GJB6: variants seen among roughly 807,000 people sequenced by gnomAD.
GJB6 encodes gap junction beta-6 protein.
GJB6 carries 5 observed loss-of-function variants against 5.4 expected under a neutral mutation model. The observed-to-expected ratio is 0.92, with a 90% CI of 0.48 to 1.93. The LOEUF is 1.93. GJB6 is among the 30% of genes most tolerant of loss of function. The pLI is 0.01. For synonymous variants in GJB6, 136 were observed against 129.6 expected, an observed-to-expected ratio of 1.05 and a Z score of -0.34; for missense variants, 298 against 326.9, an observed-to-expected ratio of 0.91 and a Z score of 0.68.
chr13:20,227,320 T>A (rs998152900), intron 4 of GJB6, among the ~76,000 whole-genome samples: 5 of 152,134 alleles, frequency 3.3e-5, no homozygotes, highest in African/African-American at 9.7e-5. Flanking sequence ...AATCCACCTA[T>A]GCCTTTAAAG....
intron 4 of GJB6, among the ~76,000 whole-genome samples, chr13:20,224,560 GCCTCCTTC>G (rs1161296622): frequency 6.6e-6 from 1 of 152,192 alleles, no homozygotes; most frequent in African/African-American, 2.4e-5. Flanking sequence ...GCCACCCAGT[GCCTCCTTC>G]CCTGTTAATG....
At position 20,223,142 on chromosome 13, in the gene GJB6, A is replaced by C; in HGVS notation, c.339T>G (p.Asn113Lys). Residue 113 changes from asparagine (N) to lysine (K), a missense_variant, in exon 5 of 5, where the codon AAT (asparagine) becomes AAG (lysine). By Grantham distance (94) the Asn-to-Lys change is moderately conservative (BLOSUM62 0). Transcript: ENST00000647029. ...TAATGTCCTCTATGTCTTTGAAATC[A>C]TTCCTCTTCTCTCCTCGCCTGAACT... ...TRKFRRGEKRNDFKDIEDIKK... is the reference protein window; with the variant it reads ...TRKFRRGEKRKDFKDIEDIKK... The C allele has an allele frequency of 6.2e-7, 1 of 1,613,996 alleles. No individual in the cohort carries two copies.
intron 4 of GJB6, among the ~76,000 whole-genome samples, chr13:20,228,456 C>T (rs12870260): frequency 0.28 from 42,175 of 149,648 alleles, 6,204 homozygotes; most frequent in Non-Finnish European, 0.33. Context: ...GCTGTTTTTT[C>T]TTGTTTGTTT....
At chr13:20,228,717 C>T (rs796988047) in intron 4 of GJB6, among the ~76,000 whole-genome samples, 8 of 151,430 alleles carry the variant, frequency 5.3e-5, no homozygotes, top group African/African-American at 1.5e-4. Context: ...ATCTCCTGAC[C>T]TCATGATCCG....
intron 4 of GJB6, among the ~76,000 whole-genome samples, chr13:20,226,164 T>C (rs1274280381): frequency 1.3e-5 from 2 of 151,752 alleles, no homozygotes; most frequent in East Asian, 3.9e-4. Context: ...AACACTAGCT[T>C]GAGGAAGACG....
At chr13:20,227,287 C>T (rs1022971851) in intron 4 of GJB6, among the ~76,000 whole-genome samples, 6 of 152,128 alleles carry the variant, frequency 3.9e-5, no homozygotes, top group East Asian at 3.9e-4. Context: ...GCGCGCTTCT[C>T]GATACCGGTA....
rs536774499 is a variant in GJB6, at chr13:20,224,694, C to T, written c.-15-1199G>A. Reference sequence around the variant, plus strand: ...TGCCACAGAAGACTATAGAATTGGTCAGCATTCTCCTTTGAAAAATAAAAG... The same window carrying T: ...TGCCACAGAAGACTATAGAATTGGTTAGCATTCTCCTTTGAAAAATAAAAG... On this transcript the variant is annotated intron_variant, in intron 4 of 4. Transcript: ENST00000647029. Among the ~76,000 whole-genome samples the T allele has an allele frequency of 5.3e-5, 8 of 152,314 alleles. No homozygotes were observed. The South Asian group carries it at 1.4e-3, about 28-fold the overall frequency.
At position 20,227,064 on chromosome 13, in the gene GJB6, C is replaced by G. The variant is rs557482166; in HGVS notation, c.-16+2516G>C. ...AAAAGGTCAAGAGGTCACAACTCCC[C>G]CCCAGGAACACTGGTCCACGCTTTC... On this transcript the variant is annotated intron_variant, in intron 4 of 4. Coordinates refer to ENST00000647029, the MANE Select transcript of GJB6 (RefSeq NM_001110219.3). 8.5e-5 allele frequency among the ~76,000 whole-genome samples: 13 copies of G among 152,258 alleles called. No homozygotes were observed. The South Asian group carries it at 2.7e-3, about 32-fold the overall frequency.
chr13:20,228,632 C>A (rs1302111893), intron 4 of GJB6, among the ~76,000 whole-genome samples: 12 of 150,900 alleles, frequency 8.0e-5, no homozygotes, highest in African/African-American at 1.2e-4. Context: ...CTACAGGCGC[C>A]TGCCACCAAG....
At chr13:20,224,687 A>G (rs1319697134) in intron 4 of GJB6, among the ~76,000 whole-genome samples, 1 of 152,212 alleles carries the variant, frequency 6.6e-6, no homozygotes, top group Non-Finnish European at 1.5e-5. Context: ...AAGACTATAG[A>G]ATTGGTCAGC....
In GJB6 at chr13:20,223,420, C is replaced by G. The variant is rs751440971; in HGVS notation, c.61G>C (p.Gly21Arg). ...AAGATGACTGTGATCCACACCTTCCCGATGCTGGTGGAGTGTTTGTTGACA... is the reference window on the plus strand; with the variant it reads ...AAGATGACTGTGATCCACACCTTCCGGATGCTGGTGGAGTGTTTGTTGACA... ...GGVNKHSTSI[G>R]KVWITVIFIF... Residue 21 changes from glycine to arginine, a missense_variant, in exon 5 of 5, where the codon GGG becomes CGG. Gly to Arg is a moderately radical substitution (Grantham distance 125). Transcript: ENST00000647029. 1 of 1,614,078 alleles carries G rather than the reference C, an allele frequency of 6.2e-7. No individual in the cohort carries two copies. The highest frequency in any genetic ancestry group is 1.1e-5 in the South Asian group (1 of 91,078).
chr13:20,223,898 G>A (rs1344145519), intron 4 of GJB6, among the ~76,000 whole-genome samples: 1 of 152,080 alleles, frequency 6.6e-6, no homozygotes, highest in Non-Finnish European at 1.5e-5. Flanking sequence ...GAACCAGGGA[G>A]GTGGAGCTTG....
intron 4 of GJB6, among the ~76,000 whole-genome samples, chr13:20,225,016 G>T (rs575570744): frequency 3.9e-5 from 6 of 152,206 alleles, no homozygotes; most frequent in Non-Finnish European, 8.8e-5. Context: ...ACCCAGGAGT[G>T]CCTTGGCCTC....
rs1313340574 is a variant in GJB6, at chr13:20,228,583, A to C, written c.-16+997T>G. Reference sequence around the variant, plus strand: ...ACTGCAAGCTCCGCCTCCCGGGTTCACGCCGTTCTCCCGCCTCAGCCTCTC... The same window carrying C: ...ACTGCAAGCTCCGCCTCCCGGGTTCCCGCCGTTCTCCCGCCTCAGCCTCTC... On this transcript the variant is annotated intron_variant, in intron 4 of 4. Transcript: ENST00000647029. 3.0e-4 allele frequency among the ~76,000 whole-genome samples: 45 copies of C among 149,466 alleles called. 1 individual carries two copies. The South Asian group carries it at 8.7e-3, about 29-fold the overall frequency.
chr13:20,228,473 G>GTT (rs200751103), intron 4 of GJB6, among the ~76,000 whole-genome samples: 1 of 149,782 alleles, frequency 6.7e-6, no homozygotes, highest in Non-Finnish European at 1.5e-5. Context: ...GTTTGTTTTT[G>GTT]TTTTTTGTTT....
At chr13:20,223,534 G>C in intron 4 of GJB6, 39 bp from the exon 5 acceptor site, 1 of 1,496,212 alleles carries the variant, frequency 6.7e-7, no homozygotes, top group Non-Finnish European at 9.3e-7. Context: ...ATTAGTGGAA[G>C]AGGCCTTGGG....
Position 20,229,657 on chromosome 13 carries a change from CCTCCT to C in GJB6, c.-98_-94del, listed in dbSNP as rs1869934381. The C allele has an allele frequency of 2.0e-5, 3 of 152,096 alleles. No individual in the cohort carries two copies. 9.4% of individuals were successfully genotyped at this position (152,096 alleles called of 1,614,324 possible). A position where few individuals can be genotyped will look rare whatever the true frequency, so the allele number is the denominator to read the frequency against. Reference sequence around the variant, plus strand: ...AAGATCCCTCTGCGAGGGTTTCAGACCTCCTTCTCCTACCCCACTGGAGTGCCTAG... The same window carrying C: ...AAGATCCCTCTGCGAGGGTTTCAGACTCTCCTACCCCACTGGAGTGCCTAG... On this transcript the variant is annotated 5_prime_UTR_variant, in exon 4 of 5. Coordinates refer to ENST00000647029, the MANE Select transcript of GJB6 (RefSeq NM_001110219.3).
intron 4 of GJB6, among the ~76,000 whole-genome samples, chr13:20,224,488 T>C (rs1351884271): frequency 6.6e-6 from 1 of 152,186 alleles, no homozygotes; most frequent in African/African-American, 2.4e-5. Flanking sequence ...CCACGTTGGC[T>C]TTGCCTCCCC....
At position 20,231,511 on chromosome 13, in the gene GJB6, A is replaced by T. The variant is rs1012275608; in HGVS notation, c.-419-6T>A. ...CTGGTGCCTGCACGTTTTAACTAAG[A>T]TGTGTCGCCAATTACTTTTAATTAC... On this transcript the variant is annotated splice_polypyrimidine_tract_variant and splice_region_variant and intron_variant, in intron 1 of 4. Transcript: ENST00000647029. 6.6e-6 allele frequency: 1 copy of T among 152,120 alleles called. No homozygotes were observed. The highest frequency in any genetic ancestry group is 1.5e-5 in the Non-Finnish European group (1 of 68,034). The allele number at this position is 152,120 out of a possible 1,614,324, so 9.4% of individuals were successfully genotyped here. A position where few individuals can be genotyped will look rare whatever the true frequency, so the allele number is the denominator to read the frequency against.
Sources: allele counts gnomAD v4.1 joint callset (sites outside exome capture counted in the v4.1 genomes callset), GRCh38; gene constraint gnomAD v4.1.1; transcripts MANE v1.5; gene names NCBI Gene and HGNC (gene_info 2026-07-23, HGNC 2026-07-21).